The following NCKAP5 variants were observed in gnomAD, a reference collection of about 807,000 sequenced individuals.
NCKAP5 encodes NCK associated protein 5, also known as nck-associated protein 5.
A neutral mutation model predicts 167.0 loss-of-function variants in NCKAP5; 92 were observed. That is an observed-to-expected ratio of 0.55 (90% CI 0.47 to 0.66). The LOEUF (loss-of-function observed/expected upper bound fraction) is 0.66. Among genes scored for constraint, NCKAP5 ranks in the 30% least tolerant of loss-of-function variants. NCKAP5 has a pLI of 0.00. For synonymous variants in NCKAP5, 891 were observed against 877.4 expected (o/e 1.02, Z -0.27); for missense variants, 2,378 against 2,315.0 (o/e 1.03, Z -0.56).
chr2:133,050,801 G>C (rs760794520), intron 6 of NCKAP5, among the ~76,000 whole-genome samples: 1 of 152,130 alleles, frequency 6.6e-6, no homozygotes. Flanking sequence ...CTGAATAAAA[G>C]GTCACTTACT....
intron 19 of NCKAP5, among the ~76,000 whole-genome samples, chr2:132,695,463 T>C (rs1358123309): frequency 6.6e-6 from 1 of 152,208 alleles, no homozygotes; most frequent in African/African-American, 2.4e-5. Context: ...CTTTTTGATC[T>C]TGGAGCTTCC....
rs184689750 is a variant in NCKAP5 at position 133,173,647 on chromosome 2, G to A, written c.207+40069C>T. Among the ~76,000 whole-genome samples the A allele has an allele frequency of 2.8e-3, 426 of 152,006 alleles. 2 individuals are homozygous for A. The highest frequency in any genetic ancestry group is 1.0e-2 in the African/African-American group (414 of 41,436). On this transcript the variant is annotated intron_variant, in intron 5 of 19. Transcript: ENST00000409261. ...CTATAAATTCCCACTTTTCCTTGTC[G>A]TATTCAGAATTGAGCCTGAATTGAG...
chr2:133,603,067 T>C, the NCKAP5 span, among the ~76,000 whole-genome samples: 5 of 152,142 alleles, frequency 3.3e-5, no homozygotes, highest in East Asian at 9.7e-4. Flanking sequence ...GGATCACCGA[T>C]GTTTATCGGA....
chr2:133,436,538 C>T (rs1005010410), intron 3 of NCKAP5, among the ~76,000 whole-genome samples: 1 of 152,128 alleles, frequency 6.6e-6, no homozygotes, highest in Admixed American at 6.5e-5. Context: ...CTTTGACATT[C>T]CCTGGCCTTT....
At chr2:133,086,877 A>C (rs1425137368) in intron 6 of NCKAP5, among the ~76,000 whole-genome samples, 2 of 152,214 alleles carry the variant, frequency 1.3e-5, no homozygotes, top group East Asian at 1.9e-4. Flanking sequence ...TTTAGACACG[A>C]ACATTTTATA....
chr2:133,517,357 A>T, intron 3 of NCKAP5, 101 bp downstream of exon 3: 1 of 527,910 alleles, frequency 1.9e-6, no homozygotes, highest in Non-Finnish European at 3.2e-6. Flanking sequence ...GTGTAACTGG[A>T]AGAGAGGTTT....
chr2:133,388,064 A>C (rs1370286669), intron 3 of NCKAP5, among the ~76,000 whole-genome samples: 2 of 152,204 alleles, frequency 1.3e-5, no homozygotes, highest in Non-Finnish European at 2.9e-5. Context: ...TTCTCCATCC[A>C]GCTTTGTTCC....
chr2:133,408,041 C>T (rs934690272), intron 3 of NCKAP5, among the ~76,000 whole-genome samples: 21 of 152,174 alleles, frequency 1.4e-4, no homozygotes, highest in Admixed American at 1.3e-3. Flanking sequence ...CATTTCACAA[C>T]TGAAAAATCA....
At chr2:133,061,082 A>G (rs2079983499) in intron 6 of NCKAP5, among the ~76,000 whole-genome samples, 2 of 56,350 alleles carry the variant, frequency 3.5e-5, no homozygotes, top group African/African-American at 8.6e-5. Flanking sequence ...AAAACAAAAC[A>G]ACAACAACAA....
intron 6 of NCKAP5, among the ~76,000 whole-genome samples, chr2:133,016,370 AT>A (rs1214927012): frequency 3.9e-5 from 6 of 152,316 alleles, no homozygotes; most frequent in African/African-American, 1.4e-4. Flanking sequence ...AGAAGTTTCT[AT>A]TTCTACCTGT....
intron 6 of NCKAP5, among the ~76,000 whole-genome samples, chr2:133,044,212 A>T (rs894516595): frequency 5.9e-5 from 9 of 152,212 alleles, no homozygotes; most frequent in African/African-American, 2.2e-4. Context: ...GAATCGCAGA[A>T]GTACAAATAG....
At chr2:133,255,132 A>G (rs1331527142) in intron 4 of NCKAP5, among the ~76,000 whole-genome samples, 1 of 152,174 alleles carries the variant, frequency 6.6e-6, no homozygotes, top group African/African-American at 2.4e-5. Flanking sequence ...AAACAAAAAT[A>G]AAAGAAAGAA....
chr2:133,623,874 A>C, the NCKAP5 span, among the ~76,000 whole-genome samples: 1 of 152,214 alleles, frequency 6.6e-6, no homozygotes, highest in East Asian at 1.9e-4. Flanking sequence ...CTGCAATTTG[A>C]AAAATATGGA....
chr2:132,867,506 C>T (rs2148750992), intron 10 of NCKAP5, among the ~76,000 whole-genome samples: 1 of 152,232 alleles, frequency 6.6e-6, no homozygotes, highest in East Asian at 1.9e-4. Flanking sequence ...AAGGTCTGTT[C>T]ACAGAGATGT....
intron 4 of NCKAP5, among the ~76,000 whole-genome samples, chr2:133,296,648 AT>A (rs1477267789): frequency 1.3e-5 from 2 of 152,168 alleles, no homozygotes; most frequent in Non-Finnish European, 2.9e-5. Context: ...TCCAGACACC[AT>A]TTCATAATCT....
chr2:132,866,560 A>T (rs1690372929), intron 10 of NCKAP5, among the ~76,000 whole-genome samples: 1 of 150,740 alleles, frequency 6.6e-6, no homozygotes, highest in Non-Finnish European at 1.5e-5. Context: ...CATGGAAATA[A>T]TTTTTTTTTT....
intron 19 of NCKAP5, among the ~76,000 whole-genome samples, chr2:132,689,151 C>T (rs934435098): frequency 6.6e-6 from 1 of 152,044 alleles, no homozygotes; most frequent in Admixed American, 6.6e-5. Context: ...TGGAACCATG[C>T]CACATAACAT....
At chr2:133,341,603 A>G (rs1311430638) in intron 3 of NCKAP5, among the ~76,000 whole-genome samples, 1 of 152,212 alleles carries the variant, frequency 6.6e-6, no homozygotes, top group Non-Finnish European at 1.5e-5. Flanking sequence ...GAATGTATCT[A>G]TATAATTTAA....
chr2:132,805,811 G>C (rs1165381018), intron 11 of NCKAP5, among the ~76,000 whole-genome samples: 1 of 151,702 alleles, frequency 6.6e-6, no homozygotes, highest in Non-Finnish European at 1.5e-5. Flanking sequence ...TTGAGGTACA[G>C]GCGGTATTTG....
Sources: gnomAD v4.1 joint callset for allele counts (sites outside exome capture counted in the v4.1 genomes callset) on GRCh38, gnomAD v4.1.1 for gene constraint, MANE v1.5 for transcripts, NCBI Gene and HGNC (gene_info 2026-07-23, HGNC 2026-07-21) for gene names.